TUBB8: variants seen among roughly 807,000 people sequenced by gnomAD.
TUBB8 encodes tubulin beta 8 class VIII, also known as tubulin beta-8 chain.
In TUBB8, 25 loss-of-function variants were observed where a neutral mutation model predicts 33.7. That is an observed-to-expected ratio of 0.74 (90% CI 0.54 to 1.04). The LOEUF is 1.04. TUBB8 is among the 50% of genes least tolerant of loss of function. The pLI is 0.00. For synonymous variants in TUBB8, 245 were observed against 240.1 expected, an observed-to-expected ratio of 1.02 and a Z score of -0.19; for missense variants, 279 against 608.0, an observed-to-expected ratio of 0.46 and a Z score of 5.69.
At chr10:60,324 T>TCA (rs1834581802) in intron 1 of TUBB8, among the ~76,000 whole-genome samples, 1 of 151,886 alleles carries the variant, frequency 6.6e-6, no homozygotes, top group South Asian at 2.1e-4. Context: ...TGCAACCTAC[T>TCA]CATCTGACAA....
chr10:58,652 A>G (rs1262791356), intron 1 of TUBB8, among the ~76,000 whole-genome samples: 1 of 152,164 alleles, frequency 6.6e-6, no homozygotes, highest in African/African-American at 2.4e-5. Context: ...ACTTTTAAAT[A>G]ACCAGGTCTT....
At chr10:53,165 G>A (rs1834489692), upstream of TUBB8, among the ~76,000 whole-genome samples, 1 of 152,204 alleles carries the variant, frequency 6.6e-6, no homozygotes, top group Non-Finnish European at 1.5e-5. Context: ...GTCTTGGTCT[G>A]TTGCCCAGGC....
At chr10:70,799 C>A (rs1332383958) in intron 1 of TUBB8, among the ~76,000 whole-genome samples, 1 of 152,014 alleles carries the variant, frequency 6.6e-6, no homozygotes, top group South Asian at 2.1e-4. Flanking sequence ...ATCTCCACTG[C>A]GCCACTGCAC....
At chr10:51,961 G>T (rs1458189626), upstream of TUBB8, among the ~76,000 whole-genome samples, 2 of 152,184 alleles carry the variant, frequency 1.3e-5, no homozygotes, top group African/African-American at 4.8e-5. Context: ...ACTGCAAAAC[G>T]GAGGCGGTGA....
At chr10:48,291 A>G in intron 3 of TUBB8, 177 bp from the exon 4 acceptor site, 1 of 770,042 alleles carries the variant, frequency 1.3e-6, no homozygotes, top group Non-Finnish European at 2.2e-6. Flanking sequence ...CCCTGTTAGG[A>G]ATTAAGACAG....
chr10:60,545 A>G (rs570653247), intron 1 of TUBB8, among the ~76,000 whole-genome samples: 1 of 152,244 alleles, frequency 6.6e-6, no homozygotes, highest in Non-Finnish European at 1.5e-5. Context: ...CACACCAGTT[A>G]GAATGGCAAT....
rs562519474 is a variant in TUBB8 at position 66,548 on chromosome 10, C to A, written c.-846+7421G>T. ...TCTGTAGTCCTAGTTACTCGGGTGA[C>A]AGAGGAGGGAAGATTGCTTGAGCCC... On this transcript the variant is annotated intron_variant, in intron 1 of 3. Coordinates refer to the TUBB8 transcript ENST00000564130. Among the ~76,000 whole-genome samples, 773 of 152,284 alleles carry A rather than the reference C, an allele frequency of 5.1e-3. 3 individuals are homozygous for A. The highest frequency in any genetic ancestry group is 0.018 in the African/African-American group (729 of 41,542).
chr10:48,309 A>G, intron 3 of TUBB8, 195 bp from the exon 4 acceptor site: 1 of 673,418 alleles, frequency 1.5e-6, no homozygotes, highest in Non-Finnish European at 2.7e-6. Flanking sequence ...CAGGAGTCAA[A>G]CCTGAGACGG....
At chr10:54,925 G>A (rs1357993976) in intron 1 of TUBB8, among the ~76,000 whole-genome samples, 1 of 152,148 alleles carries the variant, frequency 6.6e-6, no homozygotes, top group Non-Finnish European at 1.5e-5. Context: ...GCCCAGCTAA[G>A]TTTTGTATTT....
Position 48,886 on chromosome 10 carries a change from A to C in TUBB8, c.84T>G (p.His28Gln), listed in dbSNP as rs782190891. 4 of 1,559,504 alleles carry C rather than the reference A, an allele frequency of 2.6e-6. No homozygotes were observed. The Admixed American group carries it at 7.6e-5, about 30-fold the overall frequency. ...AKFWEVISDE[H>Q]AIDSAGTYHG... ...GGTAGGTGCCAGCGGAGTCGATGGC[A>C]TGTTCATCAGAGATCACCTCCCAGA... Residue 28 changes from histidine (H) to glutamine (Q), a missense_variant, in exon 2 of 4, where the codon CAT becomes CAG. Physicochemically the swap from His to Gln is conservative, Grantham distance 24. This residue lies in a region of TUBB8 where 56 missense variants were observed against 77.9 expected (regional missense o/e 0.72). Transcript: ENST00000568584.
intron 1 of TUBB8, among the ~76,000 whole-genome samples, chr10:56,836 A>C (rs1834537655): frequency 1.3e-5 from 2 of 152,176 alleles, no homozygotes; most frequent in Admixed American, 1.3e-4. Context: ...TTCAAAATAC[A>C]ATCATGACAT....
At chr10:68,199 C>T (rs556351366) in intron 1 of TUBB8, among the ~76,000 whole-genome samples, 1 of 152,192 alleles carries the variant, frequency 6.6e-6, no homozygotes. Flanking sequence ...ATGACACCCA[C>T]AAGACTGCTG....
At chr10:67,203 C>A (rs1372229013) in intron 1 of TUBB8, among the ~76,000 whole-genome samples, 1 of 144,184 alleles carries the variant, frequency 6.9e-6, no homozygotes, top group Admixed American at 7.0e-5. Flanking sequence ...CTTGATATTT[C>A]GTATAAATGA....
chr10:51,571 G>A (rs1554739587), upstream of TUBB8, among the ~76,000 whole-genome samples: 1 of 152,188 alleles, frequency 6.6e-6, no homozygotes, highest in Admixed American at 6.5e-5. Flanking sequence ...GTCTTTATTA[G>A]CAGCATAAGA....
upstream of TUBB8, among the ~76,000 whole-genome samples, chr10:53,575 T>A (rs1286808232): frequency 6.6e-6 from 1 of 152,130 alleles, no homozygotes; most frequent in East Asian, 1.9e-4. Context: ...CAAAACAAAT[T>A]TAGTAAGGCC....
intron 1 of TUBB8, among the ~76,000 whole-genome samples, chr10:55,386 C>T (rs1233472541): frequency 2.6e-5 from 4 of 152,272 alleles, no homozygotes; most frequent in Middle Eastern, 3.4e-3. Context: ...CATATCACAT[C>T]GCTATTAATT....
chr10:60,291 C>A (rs1317128345), intron 1 of TUBB8, among the ~76,000 whole-genome samples: 3 of 151,916 alleles, frequency 2.0e-5, no homozygotes, highest in Admixed American at 2.0e-4. Context: ...GAACAGGCAA[C>A]CTACAAAATG....
upstream of TUBB8, among the ~76,000 whole-genome samples, chr10:54,117 C>T (rs1271532626): frequency 6.6e-6 from 1 of 152,292 alleles, no homozygotes; most frequent in East Asian, 1.9e-4. Context: ...GTTCTGCTAC[C>T]AAATACTGTC....
chr10:61,406 T>C (rs1214060399), intron 1 of TUBB8, among the ~76,000 whole-genome samples: 10 of 152,220 alleles, frequency 6.6e-5, no homozygotes, highest in Admixed American at 3.9e-4. Flanking sequence ...TCCAAGTGTT[T>C]GTATAGTTTC....
Sources: gnomAD v4.1 joint callset for allele counts (sites outside exome capture counted in the v4.1 genomes callset) on GRCh38, gnomAD v4.1.1 for gene constraint, gnomAD v4.1.1 regional missense constraint, MANE v1.5 for transcripts, NCBI Gene and HGNC (gene_info 2026-07-23, HGNC 2026-07-21) for gene names.